Variants in CSGALNACT1 observed in about 807,000 individuals in gnomAD.
The protein encoded by CSGALNACT1 is beta4GalNAcT-1.
In CSGALNACT1, 52 loss-of-function variants were observed where a neutral mutation model predicts 51.0. The ratio of observed to expected loss-of-function variants is 1.02; its 90% CI spans 0.82 to 1.29. The LOEUF is 1.29. Ranked by LOEUF, CSGALNACT1 falls within the 50% of genes most tolerant of loss-of-function variation. The probability of loss-of-function intolerance (pLI) is 0.00; values close to 1 mark genes in which losing one functional copy is unlikely to be tolerated. For synonymous variants in CSGALNACT1, 341 were observed against 254.4 expected (o/e 1.34, Z -3.24); for missense variants, 935 against 679.2 (o/e 1.38, Z -4.19).
chr8:19,431,895 T>C (rs2153727605), intron 6 of CSGALNACT1, among the ~76,000 whole-genome samples: 1 of 152,256 alleles, frequency 6.6e-6, no homozygotes, highest in South Asian at 2.1e-4. Flanking sequence ...TCTCCATTCC[T>C]GTGCTGTTAT....
At chr8:19,651,935 G>GTT (rs2057847775) in intron 1 of CSGALNACT1, among the ~76,000 whole-genome samples, 1 of 132,542 alleles carries the variant, frequency 7.5e-6, no homozygotes, top group African/African-American at 2.8e-5. Flanking sequence ...GTTTTGTTTT[G>GTT]TTTTGACTTT....
chr8:19,556,953 A>T (rs147149375), intron 3 of CSGALNACT1, among the ~76,000 whole-genome samples: 1 of 150,626 alleles, frequency 6.6e-6, no homozygotes, highest in African/African-American at 2.5e-5. Flanking sequence ...ACCACTGCAG[A>T]TGAGAAGGAT....
At chr8:19,447,371 C>T (rs1396230399) in intron 5 of CSGALNACT1, among the ~76,000 whole-genome samples, 1 of 152,178 alleles carries the variant, frequency 6.6e-6, no homozygotes, top group African/African-American at 2.4e-5. Context: ...TGGGGAAGGA[C>T]TGTTCAACCT....
intron 1 of CSGALNACT1, among the ~76,000 whole-genome samples, chr8:19,736,844 A>G (rs946299800): frequency 6.6e-6 from 1 of 152,142 alleles, no homozygotes; most frequent in African/African-American, 2.4e-5. Flanking sequence ...GTTATTTTCA[A>G]AGAAATAATG....
chr8:19,756,512 C>T (rs1011199370), intron 1 of CSGALNACT1, among the ~76,000 whole-genome samples: 192 of 152,218 alleles, frequency 1.3e-3, no homozygotes, highest in East Asian at 8.7e-3. Flanking sequence ...GCAGGAAGTG[C>T]GACGGAAACA....
In CSGALNACT1 at chr8:19,508,263, A is replaced by G. The variant is rs1353291038; in HGVS notation, c.-296-2133T>C. Among the ~76,000 whole-genome samples, 3 of 152,340 alleles carry G rather than the reference A, an allele frequency of 2.0e-5. No individual in the cohort carries two copies. In the East Asian group the frequency reaches 5.8e-4, roughly 29 times the overall value. On this transcript the variant is annotated intron_variant, in intron 3 of 9. Transcript: ENST00000454498. ...TATTCACTTGCTATGCACTATGTCT[A>G]CACAACAGTTCCTCTTCTATTACCC...
chr8:19,555,718 T>C (rs866783979), intron 3 of CSGALNACT1, among the ~76,000 whole-genome samples: 3 of 152,216 alleles, frequency 2.0e-5, no homozygotes, highest in East Asian at 1.9e-4. Context: ...TCCAGGATTA[T>C]TGAGATCTAT....
At chr8:19,701,027 G>T (rs1038143732) in intron 1 of CSGALNACT1, among the ~76,000 whole-genome samples, 9 of 152,142 alleles carry the variant, frequency 5.9e-5, no homozygotes, top group Non-Finnish European at 1.2e-4. Context: ...CAGCTTGCAG[G>T]TGCCTTTCTG....
intron 8 of CSGALNACT1, among the ~76,000 whole-genome samples, chr8:19,410,074 C>A (rs184446101): frequency 1.3e-5 from 2 of 152,324 alleles, no homozygotes; most frequent in Admixed American, 1.3e-4. Context: ...ACTTTCACTA[C>A]AATCTACAGG....
chr8:19,677,553 C>T (rs2060286607), intron 1 of CSGALNACT1, among the ~76,000 whole-genome samples: 1 of 152,102 alleles, frequency 6.6e-6, no homozygotes, highest in Non-Finnish European at 1.5e-5. Context: ...GAGCTAGCAC[C>T]CAAAAAGGGC....
chr8:19,734,509 A>G (rs1290341126), intron 1 of CSGALNACT1, among the ~76,000 whole-genome samples: 3 of 152,186 alleles, frequency 2.0e-5, no homozygotes, highest in Non-Finnish European at 4.4e-5. Flanking sequence ...TGCTGGGCTG[A>G]GCTCTCTGAA....
upstream of CSGALNACT1, among the ~76,000 whole-genome samples, chr8:19,687,329 G>C (rs2061032819): frequency 6.6e-6 from 1 of 152,030 alleles, no homozygotes; most frequent in African/African-American, 2.4e-5. Context: ...GAAAAACTTA[G>C]GTAATCAATG....
At position 19,439,932 on chromosome 8, in the gene CSGALNACT1, C is replaced by A. The variant is rs1166339727; in HGVS notation, c.852-1G>T. 6.2e-7 allele frequency: 1 copy of A among 1,613,324 alleles called. No individual in the cohort carries two copies. ...CCCATCCTGCTCAATGCACATCTCC[C>A]TGGAAAACAAAACACATGCATGTCT... On this transcript the variant is annotated splice_acceptor_variant, in intron 5 of 9. Coordinates refer to ENST00000454498, the Ensembl canonical transcript of CSGALNACT1. LOFTEE classifies it high-confidence loss of function.
chr8:19,745,528 A>C (rs144191290), intron 1 of CSGALNACT1, among the ~76,000 whole-genome samples: 193 of 152,370 alleles, frequency 1.3e-3, no homozygotes, highest in African/African-American at 4.5e-3. Context: ...AGTACAGAGA[A>C]AAAAGGATTT....
intron 4 of CSGALNACT1, among the ~76,000 whole-genome samples, chr8:19,466,130 G>C (rs1368265232): frequency 6.6e-6 from 1 of 152,104 alleles, no homozygotes; most frequent in Non-Finnish European, 1.5e-5. Context: ...TGAAAGGGGG[G>C]ATTTTTAATG....
chr8:19,580,665 A>G (rs1360756977), intron 3 of CSGALNACT1, among the ~76,000 whole-genome samples: 2 of 152,224 alleles, frequency 1.3e-5, no homozygotes, highest in Non-Finnish European at 2.9e-5. Context: ...CTGATAGAAA[A>G]CAAGATCAAA....
intron 1 of CSGALNACT1, among the ~76,000 whole-genome samples, chr8:19,730,146 G>A (rs1276310162): frequency 6.6e-6 from 1 of 152,154 alleles, no homozygotes; most frequent in Admixed American, 6.6e-5. Flanking sequence ...TTACAGAAAA[G>A]CAGAAAGCTC....
At chr8:19,487,870 G>C (rs753255276) in intron 4 of CSGALNACT1, among the ~76,000 whole-genome samples, 5 of 152,004 alleles carry the variant, frequency 3.3e-5, no homozygotes, top group African/African-American at 4.8e-5. Flanking sequence ...CCCAAAGAAT[G>C]AACTGAGAAT....
intron 6 of CSGALNACT1, among the ~76,000 whole-genome samples, chr8:19,421,448 T>A (rs1004556246): frequency 5.3e-5 from 8 of 152,220 alleles, no homozygotes; most frequent in Non-Finnish European, 1.0e-4. Context: ...TACCAGATAA[T>A]ACTAGAGAAC....
Sources: allele counts gnomAD v4.1 joint callset (sites outside exome capture counted in the v4.1 genomes callset), GRCh38; gene constraint gnomAD v4.1.1; transcripts MANE v1.5; gene names NCBI Gene and HGNC (gene_info 2026-07-23, HGNC 2026-07-21).